The following DLC1 variants were observed in gnomAD, a reference collection of about 807,000 sequenced individuals.
The protein encoded by DLC1 is rho GTPase-activating protein 7.
DLC1 carries 54 observed loss-of-function variants against 140.3 expected under a neutral mutation model. That is an observed-to-expected ratio of 0.38 (90% CI 0.31 to 0.48). The LOEUF (loss-of-function observed/expected upper bound fraction) is 0.48. Ranked by LOEUF, DLC1 falls within the 20% of genes least tolerant of loss-of-function variation. The probability of loss-of-function intolerance (pLI) is 0.96; values close to 1 mark genes in which losing one functional copy is unlikely to be tolerated. For synonymous variants in DLC1, 986 were observed against 728.1 expected (o/e 1.35, Z -5.70); for missense variants, 2,536 against 1,907.0 (o/e 1.33, Z -6.14).
chr8:13,230,903 T>C (rs960408234), intron 5 of DLC1, among the ~76,000 whole-genome samples: 11 of 152,166 alleles, frequency 7.2e-5, no homozygotes, highest in African/African-American at 2.4e-4. Flanking sequence ...GGCCCAGATA[T>C]AGATTTTTGA....
At chr8:13,514,958 G>C (rs1802536037), upstream of DLC1, 1 of 272,308 alleles carries the variant, frequency 3.7e-6, no homozygotes, top group Non-Finnish European at 6.8e-6. Context: ...GAGAGGGGAG[G>C]AGGGGAGAGC....
intron 5 of DLC1, among the ~76,000 whole-genome samples, chr8:13,260,848 G>A (rs1042795809): frequency 6.6e-6 from 1 of 152,184 alleles, no homozygotes; most frequent in Non-Finnish European, 1.5e-5. Context: ...CAGAAAAAAT[G>A]TGAGATAGAT....
intron 2 of DLC1, among the ~76,000 whole-genome samples, chr8:13,420,518 C>T (rs1354493148): frequency 1.3e-5 from 2 of 152,186 alleles, no homozygotes; most frequent in East Asian, 1.9e-4. Flanking sequence ...TTTTAAGTCT[C>T]GCATGCATTA....
chr8:13,271,883 C>A (rs1830946434), intron 5 of DLC1, among the ~76,000 whole-genome samples: 1 of 152,172 alleles, frequency 6.6e-6, no homozygotes, highest in South Asian at 2.1e-4. Flanking sequence ...TGCTCTGTTA[C>A]CCAGGCTGGT....
intron 13 of DLC1, 67 bp from the exon 14 acceptor site, chr8:13,091,499 C>A (rs938004186): frequency 1.4e-6 from 2 of 1,423,430 alleles, no homozygotes; most frequent in South Asian, 2.7e-5. Context: ...AGGTATTATT[C>A]AAGGAAACCC....
chr8:13,172,493 G>C (rs1399570008), intron 5 of DLC1, among the ~76,000 whole-genome samples: 4 of 152,208 alleles, frequency 2.6e-5, no homozygotes, highest in African/African-American at 7.2e-5. Flanking sequence ...CATAAACTCA[G>C]ATCAAGGCTT....
At chr8:13,577,980 G>A (rs556915315) in intron 1 of DLC1, among the ~76,000 whole-genome samples, 1 of 151,360 alleles carries the variant, frequency 6.6e-6, no homozygotes, top group Non-Finnish European at 1.5e-5. Context: ...GTTTATTCCT[G>A]TAACACTGAG....
chr8:13,201,413 A>T (rs1248328352), intron 5 of DLC1, among the ~76,000 whole-genome samples: 1 of 152,224 alleles, frequency 6.6e-6, no homozygotes, highest in Non-Finnish European at 1.5e-5. Context: ...AAGAACAAAT[A>T]CAAATATTTT....
At chr8:13,570,204 C>T (rs1000272212) in intron 1 of DLC1, among the ~76,000 whole-genome samples, 2 of 152,156 alleles carry the variant, frequency 1.3e-5, no homozygotes, top group Non-Finnish European at 2.9e-5. Flanking sequence ...AATCCCTCCC[C>T]ACTATATTCA....
At chr8:13,460,205 C>T (rs967201453) in intron 2 of DLC1, among the ~76,000 whole-genome samples, 3 of 152,210 alleles carry the variant, frequency 2.0e-5, no homozygotes, top group African/African-American at 2.4e-5. Flanking sequence ...TTCTAAAATA[C>T]ACTGCTTGTC....
chr8:13,090,844 T>C (rs1188503402), intron 14 of DLC1, among the ~76,000 whole-genome samples: 1 of 151,574 alleles, frequency 6.6e-6, no homozygotes, highest in East Asian at 1.9e-4. Context: ...TTCATTCTGT[T>C]ACCTAGTGGA....
rs559507764 is a variant in DLC1 at position 13,456,980 on chromosome 8, C to T, written c.1023+42069G>A. On this transcript the variant is annotated intron_variant, in intron 2 of 17. Transcript: ENST00000276297. Reference sequence around the variant, plus strand: ...ATTTTGTAGTTGTCATCACTGGAAACGTCCAGTTGTAGAACACAACCTTCA... The same window carrying T: ...ATTTTGTAGTTGTCATCACTGGAAATGTCCAGTTGTAGAACACAACCTTCA... Among the ~76,000 whole-genome samples the T allele has an allele frequency of 4.6e-5, 7 of 152,290 alleles. No homozygotes were observed. In the South Asian group the frequency reaches 8.3e-4, roughly 18 times the overall value.
chr8:13,282,237 C>G (rs1831388525), intron 5 of DLC1, among the ~76,000 whole-genome samples: 1 of 152,210 alleles, frequency 6.6e-6, no homozygotes, highest in Admixed American at 6.5e-5. Flanking sequence ...ACATCTCTCT[C>G]TGGAGCTGTT....
At chr8:13,482,756 T>C (rs992696534) in intron 2 of DLC1, among the ~76,000 whole-genome samples, 26 of 152,162 alleles carry the variant, frequency 1.7e-4, no homozygotes, top group Non-Finnish European at 5.9e-5. Flanking sequence ...TGACATAAGA[T>C]CATGCTTGAA....
intron 5 of DLC1, among the ~76,000 whole-genome samples, chr8:13,221,763 A>G (rs1828567426): frequency 6.9e-6 from 1 of 144,280 alleles, no homozygotes; most frequent in Non-Finnish European, 1.5e-5. Flanking sequence ...CATTATATAT[A>G]ATATTAATAT....
chr8:13,134,771 C>T (rs2128966209), intron 5 of DLC1, among the ~76,000 whole-genome samples: 1 of 152,112 alleles, frequency 6.6e-6, no homozygotes, highest in East Asian at 1.9e-4. Context: ...CCAGGGTTGG[C>T]AATATAGCAA....
intron 2 of DLC1, among the ~76,000 whole-genome samples, chr8:13,463,696 T>C (rs1187374487): frequency 6.6e-6 from 1 of 152,180 alleles, no homozygotes; most frequent in Non-Finnish European, 1.5e-5. Flanking sequence ...CCACTCATAG[T>C]TATTATTTTT....
intron 4 of DLC1, among the ~76,000 whole-genome samples, chr8:13,324,460 C>T (rs1028122653): frequency 7.3e-5 from 11 of 151,688 alleles, no homozygotes; most frequent in East Asian, 3.9e-4. Context: ...CCCAGCTACT[C>T]GGGAGGCTGA....
At chr8:13,244,238 A>G (rs1437022269) in intron 5 of DLC1, among the ~76,000 whole-genome samples, 1 of 152,154 alleles carries the variant, frequency 6.6e-6, no homozygotes. Context: ...CATTGCCTAA[A>G]AATCAGATCT....
Sources: allele counts gnomAD v4.1 joint callset (sites outside exome capture counted in the v4.1 genomes callset), GRCh38; gene constraint gnomAD v4.1.1; transcripts MANE v1.5; gene names NCBI Gene and HGNC (gene_info 2026-07-23, HGNC 2026-07-21).